CBR4: variants seen among roughly 807,000 people sequenced by gnomAD.
The protein encoded by CBR4 is carbonyl reductase 4, also known as 3-oxoacyl-[acyl-carrier-protein] reductase.
Under a neutral mutation model 21.0 loss-of-function variants are expected in CBR4, and 22 were observed. The ratio of observed to expected loss-of-function variants is 1.05; its 90% CI spans 0.75 to 1.50. The LOEUF is 1.50. CBR4 is among the 40% of genes most tolerant of loss of function. The pLI, the probability that CBR4 is intolerant of heterozygous loss-of-function variation, is 0.00. For synonymous variants in CBR4, 100 were observed against 104.4 expected (o/e 0.96, Z 0.26); for missense variants, 302 against 286.3 (o/e 1.05, Z -0.40).
intron 3 of CBR4, chr4:168,894,531 T>C: frequency 8.4e-7 from 1 of 1,194,244 alleles, no homozygotes; most frequent in Non-Finnish European, 1.2e-6. Flanking sequence ...CAGTACATAT[T>C]TGTGATTTTT....
At chr4:168,972,521 T>C (rs143204227) in intron 2 of CBR4, among the ~76,000 whole-genome samples, 1,766 of 152,344 alleles carry the variant, frequency 0.012, 17 homozygotes, top group South Asian at 0.051. Context: ...TATTCCTAAA[T>C]ATTTTATTTT....
chr4:169,005,594 A>G (rs1463348590), intron 3 of CBR4, among the ~76,000 whole-genome samples: 1 of 152,210 alleles, frequency 6.6e-6, no homozygotes, highest in Non-Finnish European at 1.5e-5. Flanking sequence ...TTTTAGAGTT[A>G]AACAAATATA....
At chr4:168,970,575 T>C (rs773272915) in intron 2 of CBR4, among the ~76,000 whole-genome samples, 7 of 152,194 alleles carry the variant, frequency 4.6e-5, no homozygotes, top group Non-Finnish European at 1.0e-4. Context: ...GAGATTTTGA[T>C]GTATCCATCA....
At chr4:168,951,443 A>G (rs1157634642) in intron 2 of CBR4, among the ~76,000 whole-genome samples, 1 of 152,136 alleles carries the variant, frequency 6.6e-6, no homozygotes, top group Non-Finnish European at 1.5e-5. Flanking sequence ...TCATCATGCT[A>G]TTTGTTGCCT....
At chr4:168,963,850 C>T (rs568927720) in intron 2 of CBR4, among the ~76,000 whole-genome samples, 9 of 152,210 alleles carry the variant, frequency 5.9e-5, no homozygotes, top group South Asian at 2.1e-4. Flanking sequence ...AAACAAAAAG[C>T]GCCTATGGGA....
chr4:168,922,274 A>G (rs939433037), intron 2 of CBR4, among the ~76,000 whole-genome samples: 3 of 152,160 alleles, frequency 2.0e-5, no homozygotes, highest in Admixed American at 2.0e-4. Flanking sequence ...TTATGCTTTG[A>G]GAAGCCTAAA....
At chr4:168,913,945 G>C in intron 2 of CBR4, 1 of 1,611,802 alleles carries the variant, frequency 6.2e-7, no homozygotes. Context: ...CAGTTGTACT[G>C]GACGGCTAAT....
At chr4:168,968,770 G>A (rs991421865) in intron 2 of CBR4, among the ~76,000 whole-genome samples, 27 of 152,182 alleles carry the variant, frequency 1.8e-4, no homozygotes, top group African/African-American at 5.6e-4. Context: ...ATTAATCTCT[G>A]CCATTCTACC....
At chr4:168,940,617 G>C (rs1476048121) in intron 2 of CBR4, among the ~76,000 whole-genome samples, 1 of 151,778 alleles carries the variant, frequency 6.6e-6, no homozygotes, top group Non-Finnish European at 1.5e-5. Flanking sequence ...TCAAAAAGTG[G>C]GTGAAGAATA....
At chr4:168,958,711 T>TA (rs1322195996) in intron 2 of CBR4, among the ~76,000 whole-genome samples, 4 of 152,188 alleles carry the variant, frequency 2.6e-5, no homozygotes, top group South Asian at 2.1e-4. Flanking sequence ...CCCCAATTGG[T>TA]ATTGTCAGCC....
intron 2 of CBR4, among the ~76,000 whole-genome samples, chr4:168,919,086 C>T (rs1435572232): frequency 6.6e-6 from 1 of 152,082 alleles, no homozygotes; most frequent in Non-Finnish European, 1.5e-5. Context: ...TATTTTTAAT[C>T]ATATTTAAGA....
At position 168,989,851 on chromosome 4, in the gene CBR4, T is replaced by C. The variant is rs1016130732; in HGVS notation, c.*299A>G. ...CTGGGGGGATGATTGCACATGTATT[T>C]AAATATGTTAAAACCACTGAATTGT... On this transcript the variant is annotated 3_prime_UTR_variant, in exon 5 of 5. Coordinates refer to ENST00000306193, the MANE Select transcript of CBR4 (RefSeq NM_032783.5). The C allele has an allele frequency of 9.6e-6, 10 of 1,037,774 alleles. No homozygotes were observed. The African/African-American group carries it at 1.7e-4, about 17-fold the overall frequency. 64.3% of individuals were successfully genotyped at this position (1,037,774 alleles called of 1,614,324 possible). A position where few individuals can be genotyped will look rare whatever the true frequency, so the allele number is the denominator to read the frequency against.
chr4:168,986,355 T>C (rs894107572), downstream of CBR4, among the ~76,000 whole-genome samples: 1 of 152,158 alleles, frequency 6.6e-6, no homozygotes, highest in Non-Finnish European at 1.5e-5. Context: ...AGTTCAACAA[T>C]CCTTGCCTCA....
intron 2 of CBR4, among the ~76,000 whole-genome samples, chr4:168,966,289 G>A (rs532383759): frequency 3.7e-4 from 55 of 150,654 alleles, no homozygotes; most frequent in African/African-American, 9.5e-4. Context: ...CGAGGAGGGC[G>A]GACCACGAGG....
intron 4 of CBR4, among the ~76,000 whole-genome samples, chr4:168,996,344 G>A (rs1315287057): frequency 1.3e-5 from 2 of 151,942 alleles, no homozygotes; most frequent in African/African-American, 2.4e-5. Flanking sequence ...CATTTTTGAG[G>A]AATTTTAGGT....
At chr4:168,943,074 T>C (rs1363004415) in intron 2 of CBR4, among the ~76,000 whole-genome samples, 2 of 152,126 alleles carry the variant, frequency 1.3e-5, no homozygotes, top group Non-Finnish European at 2.9e-5. Flanking sequence ...CTCAAAAAAC[T>C]ACAAAGAGAA....
intron 2 of CBR4, among the ~76,000 whole-genome samples, chr4:168,911,239 G>A (rs1758879294): frequency 6.6e-6 from 1 of 152,210 alleles, no homozygotes; most frequent in Non-Finnish European, 1.5e-5. Flanking sequence ...TTAGTGAGGT[G>A]TGTTTGTTTG....
Position 168,987,713 on chromosome 4 carries a change from AG to A in CBR4, c.*2436del. The A allele has an allele frequency of 1.0e-6, 1 of 984,440 alleles. No homozygotes were observed. 61.0% of individuals were successfully genotyped at this position (984,440 alleles called of 1,614,324 possible). A position where few individuals can be genotyped will look rare whatever the true frequency, so the allele number is the denominator to read the frequency against. ...TAGAAAAAATGTTTCACCAATGTTAAGGTACAACTCTTGAATATGCAGCGTA... is the reference window on the plus strand; with the variant it reads ...TAGAAAAAATGTTTCACCAATGTTAAGTACAACTCTTGAATATGCAGCGTA... On this transcript the variant is annotated 3_prime_UTR_variant, in exon 5 of 5. Transcript: ENST00000306193.
intron 4 of CBR4, chr4:169,001,456 G>A (rs1195531391): frequency 6.6e-6 from 1 of 152,126 alleles, no homozygotes; most frequent in Non-Finnish European, 1.5e-5. Context: ...TATTCCACTA[G>A]TGCAAAATTT....
Sources: allele counts gnomAD v4.1 joint callset (sites outside exome capture counted in the v4.1 genomes callset), GRCh38; gene constraint gnomAD v4.1.1; transcripts MANE v1.5; gene names NCBI Gene and HGNC (gene_info 2026-07-23, HGNC 2026-07-21).